XRRA1: variants seen among roughly 807,000 people sequenced by gnomAD.
XRRA1 encodes the protein X-ray radiation resistance associated 1, also known as X-ray radiation resistance-associated protein 1.
In XRRA1, 69 loss-of-function variants were observed where a neutral mutation model predicts 80.2. The ratio of observed to expected loss-of-function variants is 0.86; its 90% CI spans 0.71 to 1.05. XRRA1 has a LOEUF of 1.05. Among genes scored for constraint, XRRA1 ranks in the 50% least tolerant of loss-of-function variants. The probability of loss-of-function intolerance (pLI) is 0.00; values close to 1 mark genes in which losing one functional copy is unlikely to be tolerated. For synonymous variants in XRRA1, 348 were observed against 389.9 expected (o/e 0.89, Z 1.27); for missense variants, 967 against 976.4 (o/e 0.99, Z 0.13).
intron 10 of XRRA1, among the ~76,000 whole-genome samples, chr11:74,899,356 G>A (rs1400952512): frequency 1.3e-5 from 2 of 151,942 alleles, no homozygotes; most frequent in Admixed American, 1.3e-4. Context: ...AAGAACTAGA[G>A]AAGCAAGAGC....
rs180799294 is a variant in XRRA1, at chr11:74,856,291, A to G, written c.1170+2867T>C. Among the ~76,000 whole-genome samples the G allele has an allele frequency of 3.3e-5, 5 of 152,368 alleles. No individual in the cohort carries two copies. In the East Asian group the frequency reaches 9.6e-4, roughly 29 times the overall value. On this transcript the variant is annotated intron_variant, in intron 12 of 18. Transcript: ENST00000684022. ...ACATTCTGGTAATAGATATGTGACAATAGACAAAAAGATATAATATGTTAG... is the reference window on the plus strand; with the variant it reads ...ACATTCTGGTAATAGATATGTGACAGTAGACAAAAAGATATAATATGTTAG...
In XRRA1 at chr11:74,860,268, T is replaced by C. The variant is rs181739677; in HGVS notation, c.1045-985A>G. On this transcript the variant is annotated intron_variant, in intron 11 of 18. Coordinates refer to ENST00000684022, the MANE Select transcript of XRRA1 (RefSeq NM_001378157.1). ...CAGCGACTGTGTTTGGGAACTCAGA[T>C]GACTCGCCTCTCCCAGTGATCCCAA... 8.5e-5 allele frequency among the ~76,000 whole-genome samples: 13 copies of C among 152,344 alleles called. No homozygotes were observed. The East Asian group carries it at 2.3e-3, about 27-fold the overall frequency.
At chr11:74,852,158 T>A in intron 12 of XRRA1, 76 bp from the exon 13 acceptor site, 1 of 1,215,358 alleles carries the variant, frequency 8.2e-7, no homozygotes, top group Admixed American at 1.7e-5. Context: ...GGCCCCTCAC[T>A]GCAGGGCTAC....
At chr11:74,871,915 G>A (rs192745644) in intron 10 of XRRA1, among the ~76,000 whole-genome samples, 5 of 152,286 alleles carry the variant, frequency 3.3e-5, no homozygotes, top group East Asian at 1.9e-4. Context: ...AACCCTAACC[G>A]CAGCTGAAAA....
intron 10 of XRRA1, among the ~76,000 whole-genome samples, chr11:74,898,965 C>T (rs895304165): frequency 5.3e-5 from 8 of 152,108 alleles, no homozygotes; most frequent in Non-Finnish European, 1.2e-4. Flanking sequence ...CATTTTTATC[C>T]TCAGCACATG....
At chr11:74,942,575 C>A (rs1488475737) in intron 2 of XRRA1, among the ~76,000 whole-genome samples, 1 of 152,188 alleles carries the variant, frequency 6.6e-6, no homozygotes, top group Non-Finnish European at 1.5e-5. Flanking sequence ...TTGGCCTCCA[C>A]CCTAGTCCCA....
chr11:74,882,297 T>C (rs1235104368), intron 10 of XRRA1, among the ~76,000 whole-genome samples: 93 of 149,780 alleles, frequency 6.2e-4, no homozygotes, highest in Admixed American at 1.2e-3. Flanking sequence ...TCCAGTTGAT[T>C]GCATCGGCTC....
intron 10 of XRRA1, among the ~76,000 whole-genome samples, chr11:74,893,642 T>C (rs1477859900): frequency 1.3e-5 from 2 of 150,420 alleles, no homozygotes; most frequent in African/African-American, 4.9e-5. Flanking sequence ...GAAAAAATGC[T>C]CAACATCACT....
intron 10 of XRRA1, among the ~76,000 whole-genome samples, chr11:74,903,264 A>T (rs2053921271): frequency 6.6e-6 from 1 of 152,226 alleles, no homozygotes; most frequent in African/African-American, 2.4e-5. Context: ...GCACAGTGGT[A>T]TATGCAAAAG....
intron 10 of XRRA1, among the ~76,000 whole-genome samples, chr11:74,877,728 T>A (rs2046397206): frequency 1.3e-5 from 2 of 151,540 alleles, no homozygotes; most frequent in African/African-American, 4.8e-5. Context: ...TTTTCTGTTC[T>A]TGCGATAGTT....
rs1449488098 is a variant in XRRA1, at chr11:74,862,956, C to G, written c.1044+25G>C. On this transcript the variant is annotated intron_variant, in intron 11 of 18. Coordinates refer to ENST00000684022, the MANE Select transcript of XRRA1 (RefSeq NM_001378157.1). ...AAATTAATGTTCTAACTCAGGAACA[C>G]AAATATAAAGTAGTCAGTTCCTACC... 3.8e-6 allele frequency: 6 copies of G among 1,561,012 alleles called. No individual in the cohort carries two copies. The African/African-American group carries it at 8.2e-5, about 21-fold the overall frequency.
chr11:74,843,629 G>T, intron 18 of XRRA1, 176 bp from the exon 19 acceptor site: 1 of 893,514 alleles, frequency 1.1e-6, no homozygotes, highest in Non-Finnish European at 1.7e-6. Context: ...CTGCCCCTAT[G>T]CATTGACTCT....
intron 10 of XRRA1, among the ~76,000 whole-genome samples, chr11:74,892,041 T>C (rs1476291509): frequency 2.0e-5 from 3 of 152,120 alleles, no homozygotes; most frequent in Non-Finnish European, 4.4e-5. Flanking sequence ...CTTCACAGAA[T>C]TGGAAAAAAC....
At position 74,945,036 on chromosome 11, in the gene XRRA1, A is replaced by T. The variant is rs1014312322; in HGVS notation, c.-23T>A. 4 of 152,258 alleles carry T rather than the reference A, an allele frequency of 2.6e-5. No individual in the cohort carries two copies. The highest frequency in any genetic ancestry group is 2.0e-4 in the Admixed American group (3 of 15,238). 9.4% of individuals were successfully genotyped at this position (152,258 alleles called of 1,614,324 possible). ...TACTTACTTGATCTTTGACTTTGGG[A>T]ATGGCCCCTTAACTTCCTTTTTTTT... On this transcript the variant is annotated 5_prime_UTR_variant, in exon 2 of 19. Transcript: ENST00000684022.
At chr11:74,877,383 A>G (rs1442268146) in intron 10 of XRRA1, among the ~76,000 whole-genome samples, 10 of 152,202 alleles carry the variant, frequency 6.6e-5, no homozygotes, top group Non-Finnish European at 1.5e-5. Flanking sequence ...ACAACCCATC[A>G]AATGGCTATC....
chr11:74,909,872 A>C (rs1285253935), intron 8 of XRRA1: 1 of 152,406 alleles, frequency 6.6e-6, no homozygotes, highest in Admixed American at 6.5e-5. Flanking sequence ...TGGATTCAGC[A>C]ATGGGAATTT....
intron 10 of XRRA1, among the ~76,000 whole-genome samples, chr11:74,900,025 C>T (rs1176720276): frequency 5.3e-5 from 8 of 152,000 alleles, no homozygotes; most frequent in South Asian, 2.1e-4. Flanking sequence ...ATTAGCCAGG[C>T]GTGGTGGCAG....
intron 10 of XRRA1, among the ~76,000 whole-genome samples, chr11:74,885,703 C>G (rs967467182): frequency 1.3e-5 from 2 of 152,204 alleles, no homozygotes; most frequent in African/African-American, 4.8e-5. Context: ...TCCTCCCTAA[C>G]TCATTCTTTG....
intron 4 of XRRA1, 150 bp from the exon 5 acceptor site, chr11:74,934,022 A>G: frequency 1.4e-6 from 1 of 730,938 alleles, no homozygotes; most frequent in Non-Finnish European, 2.2e-6. Context: ...TTCATTATTC[A>G]TCCATTCATT....
Sources: allele counts gnomAD v4.1 joint callset (sites outside exome capture counted in the v4.1 genomes callset), GRCh38; gene constraint gnomAD v4.1.1; transcripts MANE v1.5; gene names NCBI Gene and HGNC (gene_info 2026-07-23, HGNC 2026-07-21).